Variants in COL19A1 observed in about 807,000 individuals in gnomAD.
COL19A1 encodes the protein collagen type XIX alpha 1 chain, also known as collagen alpha-1(XIX) chain.
Under a neutral mutation model 190.2 loss-of-function variants are expected in COL19A1, and 159 were observed. The ratio of observed to expected loss-of-function variants is 0.84; its 90% confidence interval spans 0.73 to 0.95. The LOEUF (loss-of-function observed/expected upper bound fraction) is 0.95. Among genes scored for constraint, COL19A1 ranks in the 40% least tolerant of loss-of-function variants. COL19A1 has a pLI of 0.00. For synonymous variants in COL19A1, 509 were observed against 458.9 expected (o/e 1.11, Z -1.39); for missense variants, 1,418 against 1,431.9 (o/e 0.99, Z 0.16).
intron 14 of COL19A1, among the ~76,000 whole-genome samples, chr6:70,044,364 T>C (rs906848702): frequency 3.9e-5 from 6 of 152,228 alleles, no homozygotes; most frequent in African/African-American, 1.4e-4. Context: ...AAGTTTTTCT[T>C]TGCATTCACA....
chr6:70,025,856 A>G (rs1252524398), intron 12 of COL19A1, among the ~76,000 whole-genome samples: 1 of 152,256 alleles, frequency 6.6e-6, no homozygotes, highest in Non-Finnish European at 1.5e-5. Context: ...GATACAGAGA[A>G]TGATGCTAAA....
At chr6:70,094,217 C>G (rs915938277) in intron 15 of COL19A1, among the ~76,000 whole-genome samples, 1 of 152,124 alleles carries the variant, frequency 6.6e-6, no homozygotes, top group African/African-American at 2.4e-5. Flanking sequence ...TTACATCAGG[C>G]ATAAATCTTA....
chr6:70,156,188 G>A lies in COL19A1; in HGVS notation c.2141G>A (p.Gly714Glu). 6.2e-7 allele frequency: 1 copy of A among 1,613,348 alleles called. No homozygotes were observed. Among genetic ancestry groups the A allele is most frequent in the African/African-American group, 1.3e-5 (1 of 75,002 alleles). The change falls in exon 32 of 51, where the codon GGA (glycine) becomes GAA (glutamate). Residue 714 changes from glycine to glutamate, a missense_variant. Transcript: ENST00000620364. ...PGLKSNKGEE[G>E]GAGEPGKYDS... ...CTGAAAAGCAACAAAGGAGAAGAAGGAGGTGCTGGTGAGCCTGGAAAGTAT... is the reference window on the plus strand; with the variant it reads ...CTGAAAAGCAACAAAGGAGAAGAAGAAGGTGCTGGTGAGCCTGGAAAGTAT...
At chr6:69,930,816 C>G (rs1287114607) in intron 6 of COL19A1, among the ~76,000 whole-genome samples, 3 of 152,008 alleles carry the variant, frequency 2.0e-5, no homozygotes, top group African/African-American at 7.2e-5. Context: ...AAAAAACAAA[C>G]AAACAAACAA....
intron 6 of COL19A1, among the ~76,000 whole-genome samples, chr6:69,930,750 G>A (rs991446896): frequency 6.6e-5 from 10 of 152,158 alleles, no homozygotes; most frequent in African/African-American, 2.4e-4. Context: ...AATGAGCCAA[G>A]ATCATGCCAC....
chr6:70,152,484 C>A (rs1351104650), intron 31 of COL19A1, among the ~76,000 whole-genome samples: 3 of 151,970 alleles, frequency 2.0e-5, no homozygotes, highest in Non-Finnish European at 4.4e-5. Context: ...GTTTCTAAGA[C>A]CTCCAAAACC....
chr6:70,034,631 G>T (rs1779251706), intron 13 of COL19A1, among the ~76,000 whole-genome samples: 1 of 152,152 alleles, frequency 6.6e-6, no homozygotes, highest in African/African-American at 2.4e-5. Context: ...CTGCCATAAT[G>T]GTGAGGCAAG....
At chr6:69,867,702 C>G (rs1472307002) in intron 1 of COL19A1, 1 of 152,706 alleles carries the variant, frequency 6.5e-6, no homozygotes, top group Non-Finnish European at 1.5e-5. Flanking sequence ...GGCAGAGGAG[C>G]TGGGGGACAG....
At chr6:70,023,499 A>C (rs1034543077) in intron 11 of COL19A1, 128 bp from the exon 12 acceptor site, 1 of 695,322 alleles carries the variant, frequency 1.4e-6, no homozygotes, top group Admixed American at 3.2e-5. Flanking sequence ...TTTTTTAATA[A>C]ACGTGCCTTT....
intron 11 of COL19A1, among the ~76,000 whole-genome samples, chr6:70,007,398 T>C (rs191002069): frequency 2.0e-5 from 3 of 152,172 alleles, no homozygotes; most frequent in Admixed American, 6.5e-5. Flanking sequence ...AGATGTACTA[T>C]GTAAAGAGTA....
Position 70,150,062 on chromosome 6 carries a change from T to G in COL19A1, c.2037+17T>G. On this transcript the variant is annotated intron_variant, in intron 30 of 50. Coordinates refer to ENST00000620364, the MANE Select transcript of COL19A1 (RefSeq NM_001858.6). The stretch of plus-strand genomic sequence containing the variant: ...GGTGACCCGGTATGTAGACAAACCT[T>G]GTCTGATTTATGTATCTTAAATGCA... 1.2e-6 allele frequency: 2 copies of G among 1,613,170 alleles called. No individual in the cohort carries two copies. Among genetic ancestry groups the G allele is most frequent in the Non-Finnish European group, 1.7e-6 (2 of 1,179,638 alleles).
chr6:70,023,250 C>T (rs1309230208), intron 11 of COL19A1, among the ~76,000 whole-genome samples: 2 of 151,600 alleles, frequency 1.3e-5, no homozygotes, highest in East Asian at 3.9e-4. Context: ...TCTTCTGCCT[C>T]AGCCTCCTGA....
Position 70,023,096 on chromosome 6 carries a change from T to C in COL19A1, c.1027-531T>C, listed in dbSNP as rs938281497. On this transcript the variant is annotated intron_variant, in intron 11 of 50. Transcript: ENST00000620364. ...TGTTGCTTATAGAAGAAAATATTCT[T>C]GTTCCATTTTTATGGTTTAATCATT... Among the ~76,000 whole-genome samples the C allele has an allele frequency of 2.0e-5, 3 of 152,092 alleles. No individual in the cohort carries two copies. In the East Asian group the frequency reaches 5.8e-4, roughly 29 times the overall value.
chr6:70,156,524 A>G (rs993206315), intron 33 of COL19A1, 146 bp from the exon 34 acceptor site: 2 of 1,053,562 alleles, frequency 1.9e-6, no homozygotes, highest in Admixed American at 2.4e-5. Flanking sequence ...AAAGTGATGT[A>G]AAAGTCACTT....
chr6:70,188,386 TAA>T, intron 47 of COL19A1, 141 bp downstream of exon 47: 1 of 981,108 alleles, frequency 1.0e-6, no homozygotes, highest in East Asian at 2.8e-5. Flanking sequence ...AGCTGTCATT[TAA>T]AGTTATGTGC....
At chr6:70,178,119 G>T (rs548241953) in intron 42 of COL19A1, among the ~76,000 whole-genome samples, 1 of 152,298 alleles carries the variant, frequency 6.6e-6, no homozygotes, top group South Asian at 2.1e-4. Context: ...AGGCATAGTG[G>T]ACTCACACAT....
chr6:70,096,942 G>A (rs1183224593), intron 15 of COL19A1, among the ~76,000 whole-genome samples: 4 of 152,090 alleles, frequency 2.6e-5, no homozygotes, highest in Non-Finnish European at 4.4e-5. Flanking sequence ...CTCTATTACC[G>A]TGACCTGACA....
intron 12 of COL19A1, among the ~76,000 whole-genome samples, chr6:70,024,282 C>T (rs192013770): frequency 1.4e-3 from 212 of 152,246 alleles, no homozygotes; most frequent in African/African-American, 5.0e-3. Flanking sequence ...GGGTTTCACT[C>T]TGAAATGTAA....
intron 11 of COL19A1, among the ~76,000 whole-genome samples, chr6:70,002,277 T>C (rs1437361799): frequency 1.3e-5 from 2 of 152,218 alleles, no homozygotes; most frequent in Non-Finnish European, 2.9e-5. Flanking sequence ...CAGTATTTTG[T>C]TGAGGATTTT....
Sources: allele counts gnomAD v4.1 joint callset (sites outside exome capture counted in the v4.1 genomes callset), GRCh38; gene constraint gnomAD v4.1.1; transcripts MANE v1.5; gene names NCBI Gene and HGNC (gene_info 2026-07-23, HGNC 2026-07-21).